MRC1: variants seen among roughly 807,000 people sequenced by gnomAD.
MRC1 encodes macrophage mannose receptor 1.
In MRC1, 62 loss-of-function variants were observed where a neutral mutation model predicts 102.9. That is an observed-to-expected ratio of 0.60 (90% CI 0.49 to 0.74). The LOEUF is 0.74. MRC1 is among the 30% of genes least tolerant of loss of function. The probability of loss-of-function intolerance (pLI) is 0.00; values close to 1 mark genes in which losing one functional copy is unlikely to be tolerated. For synonymous variants in MRC1, 457 were observed against 298.4 expected, an observed-to-expected ratio of 1.53 and a Z score of -5.48; for missense variants, 1,237 against 862.8, an observed-to-expected ratio of 1.43 and a Z score of -5.43.
intron 3 of MRC1, among the ~76,000 whole-genome samples, chr10:17,828,691 A>G (rs1306890710): frequency 2.0e-5 from 3 of 151,560 alleles, no homozygotes; most frequent in Admixed American, 6.5e-5. Context: ...ACACAGCTAG[A>G]AATCAATGGA....
chr10:17,874,863 C>G (rs1364685261), intron 16 of MRC1, among the ~76,000 whole-genome samples: 1 of 152,126 alleles, frequency 6.6e-6, no homozygotes, highest in Non-Finnish European at 1.5e-5. Flanking sequence ...TGGAACATAG[C>G]TGGGAATACA....
intron 11 of MRC1, chr10:17,865,306 T>C (rs1833249077): frequency 6.6e-6 from 1 of 152,254 alleles, no homozygotes; most frequent in African/African-American, 2.4e-5. Context: ...TATTGAACTT[T>C]CTGAAACATA....
chr10:17,831,636 T>G (rs1382610904), intron 3 of MRC1, among the ~76,000 whole-genome samples: 1 of 151,402 alleles, frequency 6.6e-6, no homozygotes, highest in Non-Finnish European at 1.5e-5. Context: ...TCTTAGTAAA[T>G]TGAGTATTTC....
At chr10:17,869,945 T>G (rs1179643432) in intron 12 of MRC1, among the ~76,000 whole-genome samples, 16 of 152,226 alleles carry the variant, frequency 1.1e-4, no homozygotes, top group Non-Finnish European at 4.4e-5. Flanking sequence ...TAATCTTGTC[T>G]TCCACGAAGA....
chr10:17,904,754 C>G (rs1428188318), intron 26 of MRC1, among the ~76,000 whole-genome samples: 1 of 152,216 alleles, frequency 6.6e-6, no homozygotes, highest in Non-Finnish European at 1.5e-5. Flanking sequence ...GATGCAAGAA[C>G]TTAGGACCTT....
At position 17,902,925 on chromosome 10, in the gene MRC1, T is replaced by A. The variant is rs1027072544; in HGVS notation, c.3799+803T>A. 1.6e-4 allele frequency among the ~76,000 whole-genome samples: 25 copies of A among 152,282 alleles called. No individual in the cohort carries two copies. In the East Asian group the frequency reaches 4.8e-3, roughly 29 times the overall value. On this transcript the variant is annotated intron_variant, in intron 26 of 29. Transcript: ENST00000569591. ...TGGGGCCCTGTTGTTAGGTACATAT[T>A]CGTCTACACTCATTACATCTTCTTG...
Position 17,854,514 on chromosome 10 carries a change from C to T in MRC1, c.1407+1390C>T, listed in dbSNP as rs1019000104. On this transcript the variant is annotated intron_variant, in intron 8 of 29. Coordinates refer to ENST00000569591, the MANE Select transcript of MRC1 (RefSeq NM_002438.4). Reference sequence around the variant, plus strand: ...GTGGTTGAAATCATGAAGTCAGAGCCGGAAGGGTGGGTAGGAACTGAGGTT... The same window carrying T: ...GTGGTTGAAATCATGAAGTCAGAGCTGGAAGGGTGGGTAGGAACTGAGGTT... 6.0e-4 allele frequency among the ~76,000 whole-genome samples: 91 copies of T among 150,512 alleles called. 1 individual carries two copies. Among genetic ancestry groups the T allele is most frequent in the Admixed American group, 5.1e-3 (77 of 15,038 alleles).
chr10:17,873,024 GT>G (rs1833376081), intron 15 of MRC1, among the ~76,000 whole-genome samples: 1 of 152,158 alleles, frequency 6.6e-6, no homozygotes, highest in Non-Finnish European at 1.5e-5. Flanking sequence ...GTGGTGGCCA[GT>G]TGTCCTTTAA....
chr10:17,816,351 A>C (rs1838312328), intron 1 of MRC1, among the ~76,000 whole-genome samples: 1 of 152,204 alleles, frequency 6.6e-6, no homozygotes, highest in African/African-American at 2.4e-5. Context: ...AAACACTGAC[A>C]GGGTAACGGG....
At chr10:17,901,875 A>G in intron 25 of MRC1, 98 bp from the exon 26 acceptor site, 1 of 770,514 alleles carries the variant, frequency 1.3e-6, no homozygotes, top group South Asian at 1.4e-5. Context: ...TTTTTAAAAT[A>G]ATGATCAATG....
intron 23 of MRC1, 87 bp from the exon 24 acceptor site, chr10:17,897,947 T>C (rs1380501019): frequency 2.6e-6 from 2 of 774,796 alleles, no homozygotes; most frequent in Admixed American, 1.7e-5. Context: ...TGCTTATTTT[T>C]ATGATAGATG....
Position 17,834,512 on chromosome 10 carries a change from A to T in MRC1, c.802+673A>T, listed in dbSNP as rs1277885713. ...ACTGTAACCTCCACCTCCCGGGTTC[A>T]CATGATTCTCCTGCCTCAGCCTCCC... is the stretch of plus-strand genomic sequence containing the variant. On this transcript the variant is annotated intron_variant, in intron 4 of 29. Transcript: ENST00000569591. Among the ~76,000 whole-genome samples the T allele has an allele frequency of 1.1e-4, 16 of 152,278 alleles. No homozygotes were observed. The East Asian group carries it at 2.5e-3, about 24-fold the overall frequency.
chr10:17,818,416 A>G (rs954776856), intron 1 of MRC1, among the ~76,000 whole-genome samples: 32 of 152,380 alleles, frequency 2.1e-4, no homozygotes, highest in African/African-American at 6.5e-4. Context: ...TGGACAGAAC[A>G]TTAGTAAACA....
intron 24 of MRC1, 32 bp from the exon 25 acceptor site, chr10:17,900,756 C>T (rs1334588989): frequency 2.3e-5 from 18 of 780,696 alleles, no homozygotes; most frequent in Non-Finnish European, 2.6e-5. Context: ...TGAAGCAAGG[C>T]TGCATGTTAA....
chr10:17,826,988 C>A (rs1838485734), intron 2 of MRC1, among the ~76,000 whole-genome samples: 1 of 152,098 alleles, frequency 6.6e-6, no homozygotes, highest in African/African-American at 2.4e-5. Flanking sequence ...TGTGTTTGGG[C>A]TATACAGCTT....
chr10:17,887,055 A>C (rs1175928672), intron 22 of MRC1, among the ~76,000 whole-genome samples: 1 of 152,190 alleles, frequency 6.6e-6, no homozygotes, highest in Non-Finnish European at 1.5e-5. Context: ...GGGTGAATAC[A>C]TTCTGGTGAT....
At chr10:17,832,737 G>T (rs1051611416) in intron 3 of MRC1, among the ~76,000 whole-genome samples, 1 of 150,766 alleles carries the variant, frequency 6.6e-6, no homozygotes, top group Non-Finnish European at 1.5e-5. Context: ...ACAGGCGCCC[G>T]CCACCACGCC....
At chr10:17,908,565 T>TG (rs1833926707) in intron 28 of MRC1, among the ~76,000 whole-genome samples, 1 of 151,900 alleles carries the variant, frequency 6.6e-6, no homozygotes, top group African/African-American at 2.4e-5. Context: ...TTGTTTTATT[T>TG]TTTTTGTTTT....
chr10:17,811,735 A>G (rs917404303), intron 1 of MRC1, among the ~76,000 whole-genome samples: 1 of 151,910 alleles, frequency 6.6e-6, no homozygotes, highest in Non-Finnish European at 1.5e-5. Context: ...ATGCCAGGCT[A>G]ATTTTTAATT....
Sources: gnomAD v4.1 joint callset for allele counts (sites outside exome capture counted in the v4.1 genomes callset) on GRCh38, gnomAD v4.1.1 for gene constraint, MANE v1.5 for transcripts, NCBI Gene and HGNC (gene_info 2026-07-23, HGNC 2026-07-21) for gene names.